Variants in TANC2 observed in about 807,000 individuals in gnomAD.
The protein encoded by TANC2 is protein TANC2.
A neutral mutation model predicts 210.5 loss-of-function variants in TANC2; 26 were observed. The observed-to-expected ratio is 0.12, with a 90% CI of 0.09 to 0.17. The LOEUF (loss-of-function observed/expected upper bound fraction) is 0.17, where lower values mean the gene tolerates loss of function less well. TANC2 is among the 10% of genes least tolerant of loss of function. The pLI is 1.00. For synonymous variants in TANC2, 931 were observed against 967.1 expected (o/e 0.96, Z 0.69); for missense variants, 2,129 against 2,608.9 (o/e 0.82, Z 4.01).
chr17:63,214,432 A>C (rs773744270), intron 7 of TANC2, among the ~76,000 whole-genome samples: 1 of 152,224 alleles, frequency 6.6e-6, no homozygotes, highest in African/African-American at 2.4e-5. Flanking sequence ...GCAGGTGACT[A>C]TATCTAGGAT....
At chr17:63,361,704 G>A (rs2046962974) in intron 14 of TANC2, among the ~76,000 whole-genome samples, 1 of 152,246 alleles carries the variant, frequency 6.6e-6, no homozygotes, top group Non-Finnish European at 1.5e-5. Context: ...GTGGCGAGCA[G>A]TGGGGCATGT....
At chr17:63,005,977 T>G (rs920572451) in intron 1 of TANC2, among the ~76,000 whole-genome samples, 2 of 149,284 alleles carry the variant, frequency 1.3e-5, no homozygotes. Context: ...TTAATAGAGA[T>G]AGGGCTATTT....
At chr17:63,041,512 G>A (rs1182767058) in intron 2 of TANC2, among the ~76,000 whole-genome samples, 1 of 152,122 alleles carries the variant, frequency 6.6e-6, no homozygotes, top group Admixed American at 6.6e-5. Context: ...AAGGGGTTTG[G>A]AAGAGAAAAT....
intron 3 of TANC2, among the ~76,000 whole-genome samples, chr17:63,087,058 C>T (rs193111283): frequency 2.6e-5 from 4 of 152,332 alleles, no homozygotes; most frequent in Non-Finnish European, 5.9e-5. Flanking sequence ...AATCTTGCAG[C>T]TGGTCACTCT....
At chr17:63,041,973 A>G (rs1373059647) in intron 2 of TANC2, among the ~76,000 whole-genome samples, 2 of 152,192 alleles carry the variant, frequency 1.3e-5, no homozygotes, top group African/African-American at 4.8e-5. Flanking sequence ...GAACAGGTGG[A>G]AAATTGTTTG....
At chr17:63,201,448 G>C (rs1329933592) in intron 7 of TANC2, among the ~76,000 whole-genome samples, 1 of 152,082 alleles carries the variant, frequency 6.6e-6, no homozygotes, top group East Asian at 1.9e-4. Context: ...CAATAAGACA[G>C]CCCTGTTTTT....
intron 4 of TANC2, chr17:63,125,155 G>A (rs1438949321): frequency 6.6e-6 from 1 of 152,174 alleles, no homozygotes; most frequent in Admixed American, 6.5e-5. Flanking sequence ...GCGCTTACTA[G>A]CAGTGTGACG....
At chr17:63,165,867 T>TA (rs2040194200) in intron 5 of TANC2, among the ~76,000 whole-genome samples, 1 of 152,194 alleles carries the variant, frequency 6.6e-6, no homozygotes, top group Non-Finnish European at 1.5e-5. Flanking sequence ...ATGTCAAACA[T>TA]ATGTCTGTTG....
rs531224247 is a variant in TANC2 at position 62,966,509 on chromosome 17, C to T, written c.-264C>T. 5.1e-4 allele frequency among the ~76,000 whole-genome samples: 76 copies of T among 149,420 alleles called. 3 individuals are homozygous for T. In the East Asian group the frequency reaches 0.014, roughly 28 times the overall value. On this transcript the variant is annotated 5_prime_UTR_variant, in exon 1 of 28. Transcript: ENST00000689528. This position sits in a 1 kb window ranked among gnomAD's most constrained non-coding sequence, Gnocchi z 5.1. Reference sequence around the variant, plus strand: ...AGCGAGGCGCCCGCCGCCGCCGAGCCGAGCCGAGGGGCGAGAGCTGGCCCC... The same window carrying T: ...AGCGAGGCGCCCGCCGCCGCCGAGCTGAGCCGAGGGGCGAGAGCTGGCCCC...
intron 4 of TANC2, among the ~76,000 whole-genome samples, chr17:63,122,381 A>C (rs1180204290): frequency 5.9e-5 from 9 of 152,216 alleles, no homozygotes; most frequent in Admixed American, 5.9e-4. Context: ...ATTTAGAAGG[A>C]AAGAAGAGTG....
intron 9 of TANC2, among the ~76,000 whole-genome samples, chr17:63,288,297 T>G (rs1007841705): frequency 6.6e-6 from 1 of 152,226 alleles, no homozygotes; most frequent in African/African-American, 2.4e-5. Context: ...TTCTCTCTCT[T>G]TGCATTGTTT....
chr17:63,290,073 TC>T (rs1171802452), intron 9 of TANC2, among the ~76,000 whole-genome samples: 1 of 152,174 alleles, frequency 6.6e-6, no homozygotes, highest in Non-Finnish European at 1.5e-5. Context: ...TGAACTAGGT[TC>T]CCCTGAGGGC....
intron 2 of TANC2, among the ~76,000 whole-genome samples, chr17:63,052,868 CTA>C (rs2035631086): frequency 6.6e-6 from 1 of 152,152 alleles, no homozygotes; most frequent in African/African-American, 2.4e-5. Flanking sequence ...TTTGTGAACA[CTA>C]AAACTTGAAT....
intron 3 of TANC2, among the ~76,000 whole-genome samples, chr17:63,093,596 G>A (rs1381781333): frequency 6.6e-6 from 1 of 152,018 alleles, no homozygotes; most frequent in South Asian, 2.1e-4. Flanking sequence ...GGCTATCCTA[G>A]TTCTTTTGTT....
At chr17:63,007,232 A>T (rs80214178) in intron 1 of TANC2, among the ~76,000 whole-genome samples, 1 of 152,198 alleles carries the variant, frequency 6.6e-6, no homozygotes, top group Admixed American at 6.5e-5. Flanking sequence ...CTGTCTCAAT[A>T]TAGACAAAAG....
At chr17:63,181,051 A>G (rs937929942) in intron 5 of TANC2, among the ~76,000 whole-genome samples, 2 of 146,148 alleles carry the variant, frequency 1.4e-5, no homozygotes, top group Non-Finnish European at 3.0e-5. Flanking sequence ...AAAAAAAAAA[A>G]GAGTAGGCAT....
At chr17:63,172,190 T>C (rs946157646) in intron 5 of TANC2, among the ~76,000 whole-genome samples, 1 of 151,328 alleles carries the variant, frequency 6.6e-6, no homozygotes, top group South Asian at 2.1e-4. Context: ...TTTCTTTTCT[T>C]TTCTTTTTTT....
intron 9 of TANC2, among the ~76,000 whole-genome samples, chr17:63,295,512 A>C (rs2044508287): frequency 6.6e-6 from 1 of 152,180 alleles, no homozygotes; most frequent in Non-Finnish European, 1.5e-5. Flanking sequence ...TGAAGAGATA[A>C]GTCTATTTAG....
intron 4 of TANC2, among the ~76,000 whole-genome samples, chr17:63,147,240 G>C (rs1045294157): frequency 2.0e-5 from 3 of 152,114 alleles, no homozygotes; most frequent in Admixed American, 6.5e-5. Context: ...CTACTCGGAA[G>C]GCTGAGATGG....
Sources: gnomAD v4.1 joint callset for allele counts (sites outside exome capture counted in the v4.1 genomes callset) on GRCh38, gnomAD v4.1.1 for gene constraint, Gnocchi (gnomAD v3.1) non-coding constraint, MANE v1.5 for transcripts, NCBI Gene and HGNC (gene_info 2026-07-23, HGNC 2026-07-21) for gene names.